The following C9orf152 variants were observed in gnomAD, a reference collection of about 807,000 sequenced individuals.
The protein encoded by C9orf152 is uncharacterized protein C9orf152.
A neutral mutation model predicts 8.5 loss-of-function variants in C9orf152; 8 were observed. That is an observed-to-expected ratio of 0.94 (90% confidence interval 0.55 to 1.70). The LOEUF (loss-of-function observed/expected upper bound fraction) is 1.70. Among genes scored for constraint, C9orf152 ranks in the 40% most tolerant of loss-of-function variants. The probability of loss-of-function intolerance (pLI) is 0.00; values close to 1 mark genes in which losing one functional copy is unlikely to be tolerated. For missense variants in C9orf152, 293 were observed against 286.2 expected, an observed-to-expected ratio of 1.02 and a Z score of -0.17; for synonymous variants, 109 against 113.0, an observed-to-expected ratio of 0.96 and a Z score of 0.22.
intron 1 of C9orf152, among the ~76,000 whole-genome samples, chr9:110,206,297 T>A (rs1206678827): frequency 6.6e-6 from 1 of 151,026 alleles, no homozygotes; most frequent in Non-Finnish European, 1.5e-5. Context: ...TGTCTTTGGA[T>A]CATCCCCACT....
chr9:110,201,545 T>C, intron 1 of C9orf152, 71 bp from the exon 2 acceptor site: 1 of 1,323,346 alleles, frequency 7.6e-7, no homozygotes. Context: ...GGGGGTCTCA[T>C]TGCTTTCAAG....
chr9:110,201,263 A>G lies in C9orf152; in HGVS notation c.405T>C (p.Ser135=), dbSNP rs1837215990. The change falls in exon 2 of 2, where the codon AGT becomes AGC. Residue 135 remains serine, a synonymous_variant. Coordinates refer to ENST00000400613, the MANE Select transcript of C9orf152 (RefSeq NM_001012993.3). ...CLVQTSPQDT[S]HQVHHRGKLV... ...GCTTGCCCCTATGATGTACTTGATG[A>G]CTGGTGTCCTGGGGGGAGGTTTGGA... is the stretch of plus-strand genomic sequence containing the variant. 1 of 1,613,892 alleles carries G rather than the reference A, an allele frequency of 6.2e-7. No homozygotes were observed. Among genetic ancestry groups the G allele is most frequent in the Non-Finnish European group, 8.5e-7 (1 of 1,180,010 alleles).
chr9:110,201,548 C>T (rs758591848), intron 1 of C9orf152, 74 bp from the exon 2 acceptor site: 41 of 1,284,546 alleles, frequency 3.2e-5, no homozygotes, highest in Non-Finnish European at 4.1e-5. Context: ...GGTCTCATTG[C>T]TTTCAAGCTG....
Position 110,207,685 on chromosome 9 carries a change from G to A in C9orf152, c.-106C>T. ...GAAGGAGAAGTGACGGGCAAAAGGA[G>A]GGTGGAAAGAGGAGTGGGACTGAGG... On this transcript the variant is annotated 5_prime_UTR_variant, in exon 1 of 2. Transcript: ENST00000400613. 1.2e-6 allele frequency: 1 copy of A among 821,822 alleles called. No homozygotes were observed. Among genetic ancestry groups the A allele is most frequent in the South Asian group, 2.0e-5 (1 of 50,774 alleles). The allele number at this position is 821,822 out of a possible 1,614,324, so 50.9% of individuals were successfully genotyped here.
chr9:110,204,895 C>T (rs1221188004), intron 1 of C9orf152, among the ~76,000 whole-genome samples: 1 of 152,214 alleles, frequency 6.6e-6, no homozygotes, highest in African/African-American at 2.4e-5. Flanking sequence ...ACTGACTTCA[C>T]TCAGCATAAT....
At chr9:110,201,495 C>A in intron 1 of C9orf152, 21 bp from the exon 2 acceptor site, 1 of 1,500,082 alleles carries the variant, frequency 6.7e-7, no homozygotes, top group Non-Finnish European at 8.8e-7. Context: ...AATGCACCAG[C>A]AGGGTCATCA....
chr9:110,204,687 T>A (rs140588043), intron 1 of C9orf152, among the ~76,000 whole-genome samples: 1 of 152,334 alleles, frequency 6.6e-6, no homozygotes, highest in East Asian at 1.9e-4. Context: ...TAGTGTTCAG[T>A]ACATTCACAT....
chr9:110,204,906 G>A (rs1282172129), intron 1 of C9orf152, among the ~76,000 whole-genome samples: 2 of 152,114 alleles, frequency 1.3e-5, no homozygotes, highest in Non-Finnish European at 1.5e-5. Context: ...TCAGCATAAT[G>A]TCCTCAAGTT....
intron 1 of C9orf152, among the ~76,000 whole-genome samples, chr9:110,206,592 G>T (rs996892935): frequency 6.6e-6 from 1 of 152,198 alleles, no homozygotes; most frequent in Non-Finnish European, 1.5e-5. Context: ...GTTCCCAAAA[G>T]GCAGCACACT....
chr9:110,207,614 G>T lies in C9orf152; in HGVS notation c.-35C>A. On this transcript the variant is annotated 5_prime_UTR_variant, in exon 1 of 2. Transcript: ENST00000400613. ...GGAGAAAAGCAAACACAGCTGGGTGGGGCAGGACCTGGGGAGGGGAGAGAG... is the reference window on the plus strand; with the variant it reads ...GGAGAAAAGCAAACACAGCTGGGTGTGGCAGGACCTGGGGAGGGGAGAGAG... 1 of 1,522,120 alleles carries T rather than the reference G, an allele frequency of 6.6e-7. No homozygotes were observed. Among genetic ancestry groups the T allele is most frequent in the South Asian group, 1.3e-5 (1 of 78,442 alleles). 94.3% of individuals were successfully genotyped at this position (1,522,120 alleles called of 1,614,324 possible).
chr9:110,205,297 T>C (rs1377689420), intron 1 of C9orf152, among the ~76,000 whole-genome samples: 1 of 152,206 alleles, frequency 6.6e-6, no homozygotes, highest in East Asian at 1.9e-4. Context: ...CTTTTTCTCC[T>C]GTATTCTCAA....
At chr9:110,205,694 C>T (rs78475173) in intron 1 of C9orf152, among the ~76,000 whole-genome samples, 3,752 of 152,272 alleles carry the variant, frequency 0.025, 147 homozygotes, top group African/African-American at 0.083. Flanking sequence ...GGGACTCAAA[C>T]TCAGGCTGTG....
Position 110,207,956 on chromosome 9 carries a change from GA to G in C9orf152, c.-378del. 2 of 223,388 alleles carry G rather than the reference GA, an allele frequency of 9.0e-6. No homozygotes were observed. Among genetic ancestry groups the G allele is most frequent in the South Asian group, 7.0e-5 (1 of 14,186 alleles). 13.8% of individuals were successfully genotyped at this position (223,388 alleles called of 1,614,324 possible). Reference sequence around the variant, plus strand: ...ATGGAGACAGGCAGGAGGAGGCAGGGAAAGGAGTGATGGGGAGTGGGAGACC... The same window carrying G: ...ATGGAGACAGGCAGGAGGAGGCAGGGAAGGAGTGATGGGGAGTGGGAGACC... On this transcript the variant is annotated 5_prime_UTR_variant, in exon 1 of 2. Transcript: ENST00000400613.
Position 110,201,207 on chromosome 9 carries a change from T to C in C9orf152, c.461A>G (p.Glu154Gly). ...LVGSDQRLPP[E>G]GDTHLFETNQ... is the part of the protein sequence containing the mutation. ...GGTTTCAAACAAGTGTGTGTCTCCT[T>C]CAGGAGGGAGCCTTTGATCAGATCC... The change falls in exon 2 of 2, where the codon GAA becomes GGA. Residue 154 changes from glutamate to glycine, a missense_variant. Physicochemically the swap from Glu to Gly is moderately conservative, Grantham distance 98 (BLOSUM62 -2). Transcript: ENST00000400613. 6.2e-7 allele frequency: 1 copy of C among 1,614,206 alleles called. No homozygotes were observed. Among genetic ancestry groups the C allele is most frequent in the Non-Finnish European group, 8.5e-7 (1 of 1,180,032 alleles).
chr9:110,203,481 G>A (rs924341495), intron 1 of C9orf152, among the ~76,000 whole-genome samples: 7 of 152,202 alleles, frequency 4.6e-5, no homozygotes, highest in Non-Finnish European at 8.8e-5. Flanking sequence ...GTCCCAGCCT[G>A]TGGTTCAGAG....
At position 110,207,481 on chromosome 9, in the gene C9orf152, T is replaced by C; in HGVS notation, c.99A>G (p.Lys33=). The change falls in exon 1 of 2, where the codon AAA becomes AAG. Residue 33 remains lysine (K), a synonymous_variant. Coordinates refer to ENST00000400613, the MANE Select transcript of C9orf152 (RefSeq NM_001012993.3). ...GGAACTGGATGCTGAGTGGGGGCCCTTTCCCAGGGGCCTGAGTCCTGGAGC... is the reference window on the plus strand; with the variant it reads ...GGAACTGGATGCTGAGTGGGGGCCCCTTCCCAGGGGCCTGAGTCCTGGAGC... ...AEGSRTQAPG[K]GPPLSIQFLR... is the part of the protein sequence containing the mutation. 6.2e-7 allele frequency: 1 copy of C among 1,613,410 alleles called. No homozygotes were observed. Among genetic ancestry groups the C allele is most frequent in the Non-Finnish European group, 8.5e-7 (1 of 1,179,714 alleles).
chr9:110,204,394 A>C (rs530710791), intron 1 of C9orf152, among the ~76,000 whole-genome samples: 1 of 152,294 alleles, frequency 6.6e-6, no homozygotes, highest in Admixed American at 6.5e-5. Context: ...CCTTTCATTG[A>C]TCAGCTCCTA....
At chr9:110,204,527 A>G (rs538379789) in intron 1 of C9orf152, among the ~76,000 whole-genome samples, 1 of 152,300 alleles carries the variant, frequency 6.6e-6, no homozygotes, top group South Asian at 2.1e-4. Context: ...GGCACTGAGG[A>G]TCACGGTCCT....
intron 1 of C9orf152, among the ~76,000 whole-genome samples, chr9:110,202,103 CAG>C (rs1564357603): frequency 6.6e-6 from 1 of 151,612 alleles, no homozygotes; most frequent in African/African-American, 2.4e-5. Flanking sequence ...TTTTTTGAGA[CAG>C]AGTCTCACTC....
Sources: allele counts gnomAD v4.1 joint callset (sites outside exome capture counted in the v4.1 genomes callset), GRCh38; gene constraint gnomAD v4.1.1; transcripts MANE v1.5; gene names NCBI Gene and HGNC (gene_info 2026-07-23, HGNC 2026-07-21).